TAFA2: variants seen among roughly 807,000 people sequenced by gnomAD.
TAFA2 encodes the protein chemokine-like protein TAFA-2.
In TAFA2, 7 loss-of-function variants were observed where a neutral mutation model predicts 18.8. That is an observed-to-expected ratio of 0.37 (90% confidence interval 0.21 to 0.70). The LOEUF is 0.70. Ranked by LOEUF, TAFA2 falls within the 30% of genes least tolerant of loss-of-function variation. TAFA2 has a pLI of 0.53. For missense variants in TAFA2, 122 were observed against 158.1 expected (o/e 0.77, Z 1.23); for synonymous variants, 60 against 54.2 (o/e 1.11, Z -0.47).
intron 2 of TAFA2, among the ~76,000 whole-genome samples, chr12:61,822,535 T>C (rs950048153): frequency 6.6e-6 from 1 of 152,142 alleles, no homozygotes; most frequent in African/African-American, 2.4e-5. Context: ...AAACAGTAAG[T>C]AGAGAAAATG....
intron 1 of TAFA2, among the ~76,000 whole-genome samples, chr12:62,120,307 G>A (rs1198251777): frequency 6.6e-6 from 1 of 152,058 alleles, no homozygotes; most frequent in Non-Finnish European, 1.5e-5. Context: ...GCACGTAAGA[G>A]GATATGGCAT....
intron 1 of TAFA2, among the ~76,000 whole-genome samples, chr12:62,092,742 T>G (rs1349954103): frequency 6.6e-6 from 1 of 151,972 alleles, no homozygotes; most frequent in Non-Finnish European, 1.5e-5. Context: ...CCTACTATAG[T>G]AGATTAGAAG....
In TAFA2 at chr12:61,937,270, TATC is replaced by T. The variant is rs571558081; in HGVS notation, c.-1-69847_-1-69845del. On this transcript the variant is annotated intron_variant, in intron 1 of 4. Transcript: ENST00000416284. Reference sequence around the variant, plus strand: ...ATTCTAAGTGCAATTCCTATCAAAATATCAACATCATTTTTCACAAAATTAGAA... The same window carrying T: ...ATTCTAAGTGCAATTCCTATCAAAATAACATCATTTTTCACAAAATTAGAA... Among the ~76,000 whole-genome samples the T allele has an allele frequency of 1.8e-3, 277 of 152,148 alleles. 1 individual carries two copies. Among genetic ancestry groups the T allele is most frequent in the African/African-American group, 6.3e-3 (262 of 41,512 alleles).
At chr12:61,752,764 A>G (rs1231141658) in intron 4 of TAFA2, among the ~76,000 whole-genome samples, 1 of 152,020 alleles carries the variant, frequency 6.6e-6, no homozygotes, top group Non-Finnish European at 1.5e-5. Flanking sequence ...AAAGTCTGCT[A>G]TATCAAGTAG....
chr12:62,252,913 T>C (rs1005683529), intron 1 of TAFA2: 4 of 152,176 alleles, frequency 2.6e-5, no homozygotes, highest in African/African-American at 9.7e-5. Flanking sequence ...GAAAGGAAAA[T>C]CCATACCTGA....
At chr12:61,878,277 C>CA (rs796864177) in intron 1 of TAFA2, 19 of 279,646 alleles carry the variant, frequency 6.8e-5, no homozygotes, top group African/African-American at 1.8e-4. Flanking sequence ...CTGAATTGTA[C>CA]AAAAAATGGC....
intron 2 of TAFA2, among the ~76,000 whole-genome samples, chr12:61,804,448 G>A (rs1871527116): frequency 6.6e-6 from 1 of 151,976 alleles, no homozygotes; most frequent in African/African-American, 2.4e-5. Context: ...TCATCTTCAA[G>A]AGAAAGGCAA....
chr12:62,121,535 A>T (rs1033500826), intron 1 of TAFA2, among the ~76,000 whole-genome samples: 1 of 152,196 alleles, frequency 6.6e-6, no homozygotes, highest in African/African-American at 2.4e-5. Flanking sequence ...ACGTGATCTA[A>T]AGTATAAGTG....
At chr12:61,774,177 T>C (rs1303126037) in intron 2 of TAFA2, among the ~76,000 whole-genome samples, 2 of 151,488 alleles carry the variant, frequency 1.3e-5, no homozygotes, top group Non-Finnish European at 3.0e-5. Context: ...CAAAAAATAA[T>C]ATATGTTGGC....
chr12:62,004,383 C>T (rs940541465), intron 1 of TAFA2, among the ~76,000 whole-genome samples: 1 of 152,032 alleles, frequency 6.6e-6, no homozygotes, highest in Non-Finnish European at 1.5e-5. Context: ...CTTTTCAACT[C>T]ATTTAAATGA....
chr12:62,056,300 A>T (rs948155580), intron 1 of TAFA2, among the ~76,000 whole-genome samples: 1 of 152,234 alleles, frequency 6.6e-6, no homozygotes, highest in Admixed American at 6.5e-5. Flanking sequence ...AAATGCTATT[A>T]CAGTAACCAA....
intron 1 of TAFA2, among the ~76,000 whole-genome samples, chr12:61,941,383 G>C (rs1400453382): frequency 6.6e-6 from 1 of 152,156 alleles, no homozygotes; most frequent in African/African-American, 2.4e-5. Context: ...GAAAGTACTG[G>C]TCTAGTGAAT....
At chr12:62,010,153 C>T in intron 1 of TAFA2, among the ~76,000 whole-genome samples, 1 of 144,308 alleles carries the variant, frequency 6.9e-6, no homozygotes, top group East Asian at 2.2e-4. Context: ...CCCTCTCCCT[C>T]TCCCCCTCCC....
chr12:62,116,580 A>T (rs1157786209), intron 1 of TAFA2, among the ~76,000 whole-genome samples: 4 of 151,688 alleles, frequency 2.6e-5, no homozygotes, highest in Admixed American at 2.6e-4. Context: ...GGATTTAGGG[A>T]TAATGGCACT....
intron 1 of TAFA2, among the ~76,000 whole-genome samples, chr12:61,984,121 A>C (rs1879735925): frequency 6.6e-6 from 1 of 152,232 alleles, no homozygotes; most frequent in Non-Finnish European, 1.5e-5. Flanking sequence ...CACCACGTAT[A>C]TCTTCCCACT....
intron 1 of TAFA2, among the ~76,000 whole-genome samples, chr12:62,214,469 A>AT (rs1397986966): frequency 6.6e-6 from 1 of 151,968 alleles, no homozygotes; most frequent in Non-Finnish European, 1.5e-5. Context: ...CCATTAAACC[A>AT]TTTTTTCTTC....
chr12:61,748,553 C>T (rs990658978), intron 4 of TAFA2, among the ~76,000 whole-genome samples: 1 of 152,092 alleles, frequency 6.6e-6, no homozygotes, highest in Admixed American at 6.5e-5. Context: ...TTGCTGTGTA[C>T]ATCATTTCCC....
At chr12:62,131,745 C>A (rs1870694605) in intron 1 of TAFA2, among the ~76,000 whole-genome samples, 1 of 151,918 alleles carries the variant, frequency 6.6e-6, no homozygotes, top group Non-Finnish European at 1.5e-5. Flanking sequence ...CTTTTTTAAT[C>A]TCTACTTTAA....
intron 1 of TAFA2, among the ~76,000 whole-genome samples, chr12:62,132,945 A>C (rs973997878): frequency 3.3e-5 from 5 of 152,008 alleles, no homozygotes; most frequent in East Asian, 1.9e-4. Context: ...TTTTTCACCA[A>C]TATTGTGTTG....
Sources: gnomAD v4.1 joint callset for allele counts (sites outside exome capture counted in the v4.1 genomes callset) on GRCh38, gnomAD v4.1.1 for gene constraint, MANE v1.5 for transcripts, NCBI Gene and HGNC (gene_info 2026-07-23, HGNC 2026-07-21) for gene names.